Variants in SPOCK3 observed in about 807,000 individuals in gnomAD.
The protein encoded by SPOCK3 is SPARC (osteonectin), cwcv and kazal like domains proteoglycan 3.
SPOCK3 carries 30 observed loss-of-function variants against 56.6 expected under a neutral mutation model. The ratio of observed to expected loss-of-function variants is 0.53; its 90% confidence interval spans 0.40 to 0.72. SPOCK3 has a LOEUF of 0.72. Among genes scored for constraint, SPOCK3 ranks in the 30% least tolerant of loss-of-function variants. The pLI is 0.00. For missense variants in SPOCK3, 527 were observed against 530.0 expected (o/e 0.99, Z 0.06); for synonymous variants, 196 against 183.3 (o/e 1.07, Z -0.56).
intron 6 of SPOCK3, among the ~76,000 whole-genome samples, chr4:166,823,267 C>T (rs1329143798): frequency 1.3e-5 from 2 of 151,950 alleles, no homozygotes; most frequent in African/African-American, 4.8e-5. Flanking sequence ...CTTTTCTCTA[C>T]TATTTTCCTT....
intron 7 of SPOCK3, among the ~76,000 whole-genome samples, chr4:166,773,113 T>A (rs1441242268): frequency 6.6e-6 from 1 of 152,176 alleles, no homozygotes; most frequent in Non-Finnish European, 1.5e-5. Context: ...TTTCTGGCAT[T>A]CCTTGACTTC....
At chr4:167,095,723 A>G (rs991967330) in intron 2 of SPOCK3, among the ~76,000 whole-genome samples, 15 of 151,852 alleles carry the variant, frequency 9.9e-5, no homozygotes, top group Non-Finnish European at 1.9e-4. Flanking sequence ...AGTTCTGTGA[A>G]TGACATAAAC....
intron 4 of SPOCK3, among the ~76,000 whole-genome samples, chr4:166,961,978 C>T (rs1022438870): frequency 6.6e-6 from 1 of 151,964 alleles, no homozygotes; most frequent in African/African-American, 2.4e-5. Flanking sequence ...AAGAATTAGT[C>T]CTTGTCTTTT....
chr4:166,952,924 A>G (rs1742862617), intron 4 of SPOCK3, among the ~76,000 whole-genome samples: 1 of 151,138 alleles, frequency 6.6e-6, no homozygotes. Context: ...ACCTTATACA[A>G]AAATCAATTC....
intron 3 of SPOCK3, among the ~76,000 whole-genome samples, chr4:167,014,949 C>G (rs1490439372): frequency 1.3e-5 from 2 of 151,770 alleles, no homozygotes; most frequent in Admixed American, 6.6e-5. Context: ...GAAAATTACT[C>G]TTTTTTCTAA....
chr4:167,223,919 GTACT>G (rs1424379651), intron 2 of SPOCK3, among the ~76,000 whole-genome samples: 1 of 151,880 alleles, frequency 6.6e-6, no homozygotes, highest in African/African-American at 2.4e-5. Context: ...AAAATTTTTA[GTACT>G]TACCTCATTT....
In SPOCK3 at chr4:167,176,099, C is replaced by T. The variant is rs1485323; in HGVS notation, c.189+57886G>A. ...TGTCTGCATTCCTTGGTTCATGGCC[C>T]AGTCATTCTGACCTTTACTTCTGTG... On this transcript the variant is annotated intron_variant, in intron 2 of 10. Coordinates refer to ENST00000357545, the MANE Select transcript of SPOCK3 (RefSeq NM_001040159.2). Among the ~76,000 whole-genome samples, 637 of 152,140 alleles carry T rather than the reference C, an allele frequency of 4.2e-3. 2 individuals carry two copies. Among genetic ancestry groups the T allele is most frequent in the Middle Eastern group, 6.8e-3 (2 of 294 alleles).
intron 4 of SPOCK3, among the ~76,000 whole-genome samples, chr4:166,964,947 C>T (rs2150063510): frequency 6.6e-6 from 1 of 151,866 alleles, no homozygotes; most frequent in Admixed American, 6.6e-5. Flanking sequence ...GATGTAAAGA[C>T]AAAAATACCA....
chr4:166,765,180 CTTTAG>C (rs1032223473), intron 7 of SPOCK3, among the ~76,000 whole-genome samples: 12 of 151,328 alleles, frequency 7.9e-5, no homozygotes, highest in African/African-American at 2.9e-4. Context: ...CTGTGAAGCT[CTTTAG>C]TTTAATTAGA....
chr4:167,105,666 T>A (rs998594275), intron 2 of SPOCK3, among the ~76,000 whole-genome samples: 1 of 151,144 alleles, frequency 6.6e-6, no homozygotes, highest in African/African-American at 2.4e-5. Flanking sequence ...ATGGACTAAA[T>A]TATCCAATTA....
At chr4:167,160,214 T>C (rs1192203235) in intron 2 of SPOCK3, among the ~76,000 whole-genome samples, 1 of 152,118 alleles carries the variant, frequency 6.6e-6, no homozygotes, top group Non-Finnish European at 1.5e-5. Context: ...AAAATCAATG[T>C]ACAAAAATCA....
intron 4 of SPOCK3, among the ~76,000 whole-genome samples, chr4:166,986,500 C>T (rs1747188889): frequency 6.6e-6 from 1 of 152,106 alleles, no homozygotes; most frequent in African/African-American, 2.4e-5. Context: ...GCTGGGAAAT[C>T]TGCACCTTCT....
At chr4:167,156,303 C>CTGTT (rs536804922) in intron 2 of SPOCK3, among the ~76,000 whole-genome samples, 96 of 152,218 alleles carry the variant, frequency 6.3e-4, no homozygotes, top group African/African-American at 2.2e-3. Context: ...GATGATAATT[C>CTGTT]TGTTTCATAA....
chr4:167,180,090 T>G (rs918797742), intron 2 of SPOCK3, among the ~76,000 whole-genome samples: 2 of 152,144 alleles, frequency 1.3e-5, no homozygotes, highest in African/African-American at 4.8e-5. Flanking sequence ...CCTGAGGGTC[T>G]GAGAGAAGTA....
intron 8 of SPOCK3, among the ~76,000 whole-genome samples, chr4:166,752,802 T>C (rs1254122953): frequency 6.6e-6 from 1 of 152,006 alleles, no homozygotes; most frequent in Admixed American, 6.6e-5. Flanking sequence ...TGAGAACTTT[T>C]GTAACTTCTA....
chr4:166,738,811 A>G (rs1265714341), intron 9 of SPOCK3, among the ~76,000 whole-genome samples: 1 of 151,616 alleles, frequency 6.6e-6, no homozygotes, highest in Non-Finnish European at 1.5e-5. Context: ...ATCATTTTTT[A>G]TGGCTGCATA....
chr4:166,736,513 CA>C (rs1218390054), intron 10 of SPOCK3, among the ~76,000 whole-genome samples: 1 of 151,986 alleles, frequency 6.6e-6, no homozygotes, highest in Non-Finnish European at 1.5e-5. Context: ...CAAATGGATT[CA>C]GAGCAGGAAT....
rs917749365 is a variant in SPOCK3 at position 166,976,303 on chromosome 4, A to G, written c.350+24046T>C. Among the ~76,000 whole-genome samples, 8 of 152,202 alleles carry G rather than the reference A, an allele frequency of 5.3e-5. No homozygotes were observed. The East Asian group carries it at 5.8e-4, about 11-fold the overall frequency. On this transcript the variant is annotated intron_variant, in intron 4 of 10. Transcript: ENST00000357545. ...TTCAATGTAAGTATTTCATAAGCTC[A>G]ATTCTTTTTTTACTTCCTGCACTGC...
At chr4:166,962,199 C>T (rs1744217815) in intron 4 of SPOCK3, among the ~76,000 whole-genome samples, 1 of 152,078 alleles carries the variant, frequency 6.6e-6, no homozygotes. Flanking sequence ...TGATTAGCAA[C>T]CTTAATTGCT....
Sources: gnomAD v4.1 joint callset for allele counts (sites outside exome capture counted in the v4.1 genomes callset) on GRCh38, gnomAD v4.1.1 for gene constraint, MANE v1.5 for transcripts, NCBI Gene and HGNC (gene_info 2026-07-23, HGNC 2026-07-21) for gene names.